PTPRU: variants seen among roughly 807,000 people sequenced by gnomAD.
The protein encoded by PTPRU is protein tyrosine phosphatase receptor type U.
PTPRU carries 69 observed loss-of-function variants against 166.3 expected under a neutral mutation model. The ratio of observed to expected loss-of-function variants is 0.41; its 90% CI spans 0.34 to 0.51. The LOEUF is 0.51. Among genes scored for constraint, PTPRU ranks in the 20% least tolerant of loss-of-function variants. The pLI, the probability that PTPRU is intolerant of heterozygous loss-of-function variation, is 0.09. For synonymous variants in PTPRU, 793 were observed against 814.0 expected (o/e 0.97, Z 0.44); for missense variants, 1,657 against 2,013.7 (o/e 0.82, Z 3.39).
chr1:29,276,342 G>A (rs1467062098), intron 8 of PTPRU, among the ~76,000 whole-genome samples: 2 of 152,050 alleles, frequency 1.3e-5, no homozygotes, highest in African/African-American at 2.4e-5. Flanking sequence ...TTGAGGCAGG[G>A]ACTCACACTT....
Position 29,320,493 on chromosome 1 carries a change from TG to T in PTPRU, c.3688-189del. ...GTCATGGGCTTGGTCCCCAGAGGCCTGGGCCCACCCTGTCAACCCAGGCCTC... is the reference window on the plus strand; with the variant it reads ...GTCATGGGCTTGGTCCCCAGAGGCCTGGCCCACCCTGTCAACCCAGGCCTC... On this transcript the variant is annotated intron_variant, in intron 25 of 29. Transcript: ENST00000373779. This position sits in a 1 kb window ranked among gnomAD's most constrained non-coding sequence, Gnocchi z 5.2. The T allele has an allele frequency of 3.7e-6, 2 of 533,824 alleles. No homozygotes were observed. The highest frequency in any genetic ancestry group is 6.0e-6 in the Non-Finnish European group (2 of 332,622). The allele number at this position is 533,824 out of a possible 1,614,324, so 33.1% of individuals were successfully genotyped here.
At position 29,258,629 on chromosome 1, in the gene PTPRU, C is replaced by T. The variant is rs144272817; in HGVS notation, c.330C>T (p.Asp110=). 5.3e-5 allele frequency: 86 copies of T among 1,614,238 alleles called. No individual in the cohort carries two copies. The African/African-American group carries it at 6.1e-4, about 12-fold the overall frequency. The change falls in exon 3 of 30, where the codon GAC becomes GAT. Residue 110 remains aspartate, a synonymous_variant. Transcript: ENST00000373779. ...VQFSYFLYSR[D]GHSPGTLGVY... ...TCAGCTACTTCCTGTACAGCCGGGA[C>T]GGGCACAGCCCGGGCACCCTGGGCG...
chr1:29,298,907 AG>A (rs1348317257), intron 15 of PTPRU, among the ~76,000 whole-genome samples: 2 of 152,230 alleles, frequency 1.3e-5, no homozygotes, highest in Non-Finnish European at 2.9e-5. Flanking sequence ...AAATGACTTA[AG>A]AATTGTGCTG....
chr1:29,282,298 C>T (rs1226398837), intron 11 of PTPRU, among the ~76,000 whole-genome samples: 1 of 152,188 alleles, frequency 6.6e-6, no homozygotes, highest in Non-Finnish European at 1.5e-5. Context: ...TTTGGTTTCC[C>T]AGGTCTTGTG....
At position 29,315,959 on chromosome 1, in the gene PTPRU, C is replaced by T. The variant is rs1687882748; in HGVS notation, c.3364-43C>T. On this transcript the variant is annotated intron_variant, in intron 23 of 29. Transcript: ENST00000373779. The surrounding 1 kb of genome is among the most constrained non-coding windows in gnomAD (Gnocchi z 4.5). ...AAGCCCCATCACCACAGATCTCCAGCTTCTAGGCCCCTCCTCGGCCTCATT... is the reference window on the plus strand; with the variant it reads ...AAGCCCCATCACCACAGATCTCCAGTTTCTAGGCCCCTCCTCGGCCTCATT... 1 of 1,607,034 alleles carries T rather than the reference C, an allele frequency of 6.2e-7. No individual in the cohort carries two copies. Among genetic ancestry groups the T allele is most frequent in the South Asian group, 1.1e-5 (1 of 89,930 alleles).
intron 7 of PTPRU, among the ~76,000 whole-genome samples, chr1:29,270,751 T>C (rs771155302): frequency 7.9e-5 from 12 of 152,182 alleles, no homozygotes; most frequent in Non-Finnish European, 7.4e-5. Flanking sequence ...TCACTTCAGC[T>C]CAGGAGATTG....
chr1:29,280,003 C>T lies in PTPRU; in HGVS notation c.1766-36C>T. 1 of 1,577,830 alleles carries T rather than the reference C, an allele frequency of 6.3e-7. No homozygotes were observed. Among genetic ancestry groups the T allele is most frequent in the Non-Finnish European group, 8.7e-7 (1 of 1,148,216 alleles). On this transcript the variant is annotated intron_variant, in intron 10 of 29. Transcript: ENST00000373779. This position sits in a 1 kb window ranked among gnomAD's most constrained non-coding sequence, Gnocchi z 4.2. ...AAGCCTGGTCTTCCTGGTCCAGTGG[C>T]CAAGCTCCAGCTTGTGACCCTGTCC... is the stretch of plus-strand genomic sequence containing the variant.
chr1:29,325,792 G>A lies in PTPRU; in HGVS notation c.*131G>A. 1 of 1,038,004 alleles carries A rather than the reference G, an allele frequency of 9.6e-7. No homozygotes were observed. Among genetic ancestry groups the A allele is most frequent in the African/African-American group, 1.6e-5 (1 of 61,886 alleles). 64.3% of individuals were successfully genotyped at this position (1,038,004 alleles called of 1,614,324 possible). ...GGGGCAAGCACTGGAGTGGATGCTG[G>A]GCTATCTTGCTCCCCCTTCCACTGT... On this transcript the variant is annotated 3_prime_UTR_variant, in exon 30 of 30. Transcript: ENST00000373779.
chr1:29,325,358 C>A (rs775814538), intron 29 of PTPRU, 32 bp downstream of exon 29: 5 of 1,611,340 alleles, frequency 3.1e-6, no homozygotes, highest in Non-Finnish European at 4.2e-6. Context: ...CCAGCCACTT[C>A]CACCTTCCTG....
intron 8 of PTPRU, among the ~76,000 whole-genome samples, chr1:29,276,318 T>C (rs1685802835): frequency 1.3e-5 from 2 of 151,862 alleles, no homozygotes; most frequent in Admixed American, 6.6e-5. Context: ...CACGCCAAGC[T>C]AGTTTATTTA....
intron 8 of PTPRU, among the ~76,000 whole-genome samples, chr1:29,276,180 A>G (rs759126675): frequency 1.3e-5 from 2 of 152,178 alleles, no homozygotes; most frequent in African/African-American, 2.4e-5. Context: ...ATTTAGAGAC[A>G]GAGTCTTGCT....
chr1:29,292,902 G>T (rs1187138021), intron 15 of PTPRU, among the ~76,000 whole-genome samples: 1 of 147,088 alleles, frequency 6.8e-6, no homozygotes, highest in Non-Finnish European at 1.5e-5. Flanking sequence ...TGTAACCTCT[G>T]CCTCCCAGGT....
rs568463087 is a variant in PTPRU, at chr1:29,305,492, G to T, written c.2820+64G>T. The T allele has an allele frequency of 1.5e-5, 23 of 1,515,220 alleles. No homozygotes were observed. In the African/African-American group the frequency reaches 2.7e-4, roughly 18 times the overall value. 93.9% of individuals were successfully genotyped at this position (1,515,220 alleles called of 1,614,324 possible). A position where few individuals can be genotyped will look rare whatever the true frequency, so the allele number is the denominator to read the frequency against. ...TGCCCGCTCCAGGCTTACTATCCAG[G>T]CAGGGCAGAAACCTGTCGGGATAAA... On this transcript the variant is annotated intron_variant, in intron 18 of 29. Transcript: ENST00000373779.
rs553365344 is a variant in PTPRU, at chr1:29,315,298, T to C, written c.3228-74T>C. 1.3e-6 allele frequency: 2 copies of C among 1,581,502 alleles called. No individual in the cohort carries two copies. The highest frequency in any genetic ancestry group is 4.5e-5 in the East Asian group (2 of 44,666). On this transcript the variant is annotated intron_variant, in intron 22 of 29. Coordinates refer to ENST00000373779, the MANE Select transcript of PTPRU (RefSeq NM_133178.4). This position sits in a 1 kb window ranked among gnomAD's most constrained non-coding sequence, Gnocchi z 4.5. ...TATGGTGTAGACATGGCCAGTGCCC[T>C]CCTCTCTTCTTCTCCTTAGTCCCGG...
intron 14 of PTPRU, among the ~76,000 whole-genome samples, chr1:29,289,248 CTAAG>C (rs778391043): frequency 2.0e-4 from 30 of 152,018 alleles, no homozygotes; most frequent in East Asian, 5.8e-4. Flanking sequence ...GAATATATGT[CTAAG>C]TGAGTGTGTG....
intron 16 of PTPRU, 109 bp from the exon 17 acceptor site, chr1:29,304,665 T>C: frequency 1.3e-6 from 1 of 744,464 alleles, no homozygotes; most frequent in Non-Finnish European, 2.1e-6. Context: ...AGCTTGAATC[T>C]GGCCCTTATC....
chr1:29,291,968 G>T lies in PTPRU; in HGVS notation c.2418G>T (p.Leu806=), dbSNP rs1686658714. Residue 806 remains leucine (L), a synonymous_variant, in exon 15 of 30, where the codon CTG becomes CTT. Transcript: ENST00000373779. This position sits in a 1 kb window ranked among gnomAD's most constrained non-coding sequence, Gnocchi z 4.1. ...GCAGCTTCACAGACCAGAGCACCCTGCAGGAGGACGAGCGGCTGGGCCTGT... is the reference window on the plus strand; with the variant it reads ...GCAGCTTCACAGACCAGAGCACCCTTCAGGAGGACGAGCGGCTGGGCCTGT... ...VDRSFTDQST[L]QEDERLGLSF... 1.2e-6 allele frequency: 2 copies of T among 1,614,078 alleles called. No individual in the cohort carries two copies. Among genetic ancestry groups the T allele is most frequent in the Non-Finnish European group, 1.7e-6 (2 of 1,180,040 alleles).
chr1:29,254,844 G>A (rs763285710), intron 1 of PTPRU, among the ~76,000 whole-genome samples: 9 of 152,206 alleles, frequency 5.9e-5, no homozygotes, highest in Non-Finnish European at 8.8e-5. Context: ...TCCATCACCA[G>A]TGACCTGCGT....
At chr1:29,318,909 G>A (rs1055423480) in intron 25 of PTPRU, among the ~76,000 whole-genome samples, 36 of 152,268 alleles carry the variant, frequency 2.4e-4, no homozygotes, top group African/African-American at 7.7e-4. Context: ...TGCCGATGGG[G>A]AAGGTTCTCC....
Sources: allele counts gnomAD v4.1 joint callset (sites outside exome capture counted in the v4.1 genomes callset), GRCh38; gene constraint gnomAD v4.1.1; non-coding constraint Gnocchi (gnomAD v3.1); transcripts MANE v1.5; gene names NCBI Gene and HGNC (gene_info 2026-07-23, HGNC 2026-07-21).